The following FKTN variants were observed in gnomAD, a reference collection of about 807,000 sequenced individuals.
The protein encoded by FKTN is ribitol-5-phosphate transferase FKTN.
Under a neutral mutation model 58.6 loss-of-function variants are expected in FKTN, and 47 were observed. The ratio of observed to expected loss-of-function variants is 0.80; its 90% confidence interval spans 0.63 to 1.02. FKTN has a LOEUF of 1.02. Ranked by LOEUF, FKTN falls within the 50% of genes least tolerant of loss-of-function variation. The pLI is 0.00. For synonymous variants in FKTN, 178 were observed against 191.9 expected (o/e 0.93, Z 0.60); for missense variants, 516 against 537.3 (o/e 0.96, Z 0.39).
At chr9:105,615,224 G>T in intron 7 of FKTN, 54 bp from the exon 8 acceptor site, 3 of 1,586,780 alleles carry the variant, frequency 1.9e-6, no homozygotes, top group Middle Eastern at 3.3e-4. Context: ...CCACAGAAAG[G>T]TTCCTAGCAA....
chr9:105,590,729 TGTTAA>T (rs1171541321), intron 3 of FKTN, among the ~76,000 whole-genome samples: 1 of 152,202 alleles, frequency 6.6e-6, no homozygotes, highest in Non-Finnish European at 1.5e-5. Flanking sequence ...TTTTTGTACG[TGTTAA>T]GTTTAAGGTG....
chr9:105,630,868 T>A (rs1387047603), intron 10 of FKTN, among the ~76,000 whole-genome samples: 1 of 152,174 alleles, frequency 6.6e-6, no homozygotes, highest in Non-Finnish European at 1.5e-5. Context: ...GCATGGTGGC[T>A]CACATCTGTA....
At position 105,561,121 on chromosome 9, in the gene FKTN, T is replaced by C. The variant is rs1160421233; in HGVS notation, c.-181+2956T>C. On this transcript the variant is annotated intron_variant, in intron 1 of 10. Coordinates refer to ENST00000357998, the MANE Select transcript of FKTN (RefSeq NM_001079802.2). ...AAAAAAACAAAACAAAAAACAAACT[T>C]TGGGAGCCGGACAGTGTCTCATGCC... Among the ~76,000 whole-genome samples, 3 of 150,984 alleles carry C rather than the reference T, an allele frequency of 2.0e-5. No homozygotes were observed. In the East Asian group the frequency reaches 5.8e-4, roughly 29 times the overall value.
intron 3 of FKTN, among the ~76,000 whole-genome samples, chr9:105,582,103 G>T (rs1843079944): frequency 6.6e-6 from 1 of 152,132 alleles, no homozygotes; most frequent in South Asian, 2.1e-4. Flanking sequence ...TACCTCAGAT[G>T]GAAATGCAGA....
At chr9:105,580,986 C>T (rs1263845765) in intron 3 of FKTN, among the ~76,000 whole-genome samples, 2 of 135,874 alleles carry the variant, frequency 1.5e-5, no homozygotes, top group Admixed American at 7.3e-5. Context: ...GCATTCTTCA[C>T]GTAGTTCTCG....
chr9:105,629,747 T>C (rs1833169105), intron 10 of FKTN, among the ~76,000 whole-genome samples: 1 of 152,230 alleles, frequency 6.6e-6, no homozygotes, highest in South Asian at 2.1e-4. Flanking sequence ...TGCACACATA[T>C]GTTTATTGTG....
chr9:105,632,918 T>C (rs901746786), intron 10 of FKTN, among the ~76,000 whole-genome samples: 42 of 152,150 alleles, frequency 2.8e-4, no homozygotes, highest in African/African-American at 1.0e-3. Context: ...AAAGCCAAGG[T>C]AACATTGCAG....
At chr9:105,597,755 T>C (rs1199482718) in intron 4 of FKTN, among the ~76,000 whole-genome samples, 1 of 152,124 alleles carries the variant, frequency 6.6e-6, no homozygotes, top group Non-Finnish European at 1.5e-5. Context: ...ACAGGGGTGA[T>C]CTTTCATACA....
chr9:105,578,217 G>C (rs899500955), intron 3 of FKTN, among the ~76,000 whole-genome samples: 6 of 149,946 alleles, frequency 4.0e-5, no homozygotes. Context: ...TTGAATAGGA[G>C]TGGTGAGAGA....
intron 9 of FKTN, among the ~76,000 whole-genome samples, chr9:105,619,376 T>TACC (rs1380083846): frequency 2.6e-5 from 4 of 152,318 alleles, no homozygotes; most frequent in Admixed American, 2.6e-4. Flanking sequence ...AATGGGAACG[T>TACC]AATTATTTGT....
chr9:105,627,040 T>TGGAG (rs1832830165), intron 10 of FKTN, among the ~76,000 whole-genome samples: 1 of 151,626 alleles, frequency 6.6e-6, no homozygotes, highest in Non-Finnish European at 1.5e-5. Flanking sequence ...TGGTGTGATC[T>TGGAG]TGGCTCACTG....
intron 1 of FKTN, among the ~76,000 whole-genome samples, chr9:105,573,416 G>C (rs960539409): frequency 6.6e-6 from 1 of 152,148 alleles, no homozygotes; most frequent in Non-Finnish European, 1.5e-5. Flanking sequence ...TTGAGGCTGG[G>C]AGTTTAAGAC....
chr9:105,572,498 A>C (rs1055201204), intron 1 of FKTN, among the ~76,000 whole-genome samples: 1 of 152,224 alleles, frequency 6.6e-6, no homozygotes, highest in Non-Finnish European at 1.5e-5. Context: ...AAGAGGTTAA[A>C]AGAGAATGCT....
intron 4 of FKTN, among the ~76,000 whole-genome samples, chr9:105,597,657 T>G (rs2132619858): frequency 6.6e-6 from 1 of 152,242 alleles, no homozygotes; most frequent in African/African-American, 2.4e-5. Flanking sequence ...AGGAAACACA[T>G]ACACCTAATA....
At chr9:105,588,751 C>G (rs938730563) in intron 3 of FKTN, among the ~76,000 whole-genome samples, 1 of 152,092 alleles carries the variant, frequency 6.6e-6, no homozygotes, top group South Asian at 2.1e-4. Context: ...GAATAAGAAC[C>G]AAACTTCTTA....
intron 9 of FKTN, 45 bp from the exon 10 acceptor site, chr9:105,619,889 T>C (rs1382854230): frequency 6.4e-7 from 1 of 1,563,232 alleles, no homozygotes. Flanking sequence ...TTTAAAAATG[T>C]ATTTCCTTTG....
chr9:105,592,101 G>A (rs963526351), intron 3 of FKTN, among the ~76,000 whole-genome samples: 1 of 152,220 alleles, frequency 6.6e-6, no homozygotes, highest in Non-Finnish European at 1.5e-5. Flanking sequence ...CAAGGTCTTT[G>A]AAATGCCTTC....
At chr9:105,626,331 A>G (rs1369243724) in intron 10 of FKTN, among the ~76,000 whole-genome samples, 3 of 152,224 alleles carry the variant, frequency 2.0e-5, no homozygotes, top group Admixed American at 1.3e-4. Flanking sequence ...GAAGTCCAAG[A>G]TAAAGGTACC....
intron 3 of FKTN, among the ~76,000 whole-genome samples, chr9:105,593,270 G>C (rs892414202): frequency 6.6e-6 from 1 of 152,122 alleles, no homozygotes; most frequent in Non-Finnish European, 1.5e-5. Flanking sequence ...TAAACAGTTA[G>C]ATCTCAGGAT....
Sources: allele counts gnomAD v4.1 joint callset (sites outside exome capture counted in the v4.1 genomes callset), GRCh38; gene constraint gnomAD v4.1.1; transcripts MANE v1.5; gene names NCBI Gene and HGNC (gene_info 2026-07-23, HGNC 2026-07-21).